STPG2: variants seen among roughly 807,000 people sequenced by gnomAD.
STPG2 encodes sperm tail PG-rich repeat containing 2, also known as sperm-tail PG-rich repeat-containing protein 2.
In STPG2, 56 loss-of-function variants were observed where a neutral mutation model predicts 54.2. That is an observed-to-expected ratio of 1.03 (90% CI 0.83 to 1.29). The LOEUF is 1.29. Ranked by LOEUF, STPG2 falls within the 50% of genes most tolerant of loss-of-function variation. The pLI is 0.00. For missense variants in STPG2, 596 were observed against 544.9 expected (o/e 1.09, Z -0.93); for synonymous variants, 200 against 181.8 (o/e 1.10, Z -0.81).
rs530627220 is a variant in STPG2, at chr4:97,940,012, T to A, written c.1044+3885A>T. On this transcript the variant is annotated intron_variant, in intron 8 of 10. Transcript: ENST00000295268. ...GCAGGTCTGGTGGTAATGAACTCCC[T>A]CAACATCTACCTATCTGAAAAGGAC... Among the ~76,000 whole-genome samples the A allele has an allele frequency of 4.9e-4, 74 of 152,298 alleles. 1 individual carries two copies. The South Asian group carries it at 0.015, about 32-fold the overall frequency.
At chr4:98,127,353 T>G (rs1427176700) in intron 3 of STPG2, among the ~76,000 whole-genome samples, 2 of 152,124 alleles carry the variant, frequency 1.3e-5, no homozygotes, top group Non-Finnish European at 2.9e-5. Context: ...ATTTTAATGG[T>G]TCAAAGGATC....
At chr4:97,800,917 A>G (rs1727373557) in intron 9 of STPG2, among the ~76,000 whole-genome samples, 1 of 152,144 alleles carries the variant, frequency 6.6e-6, no homozygotes, top group Admixed American at 6.6e-5. Context: ...GCCACCTTGC[A>G]GTTGGATCTC....
At chr4:97,722,095 G>GAA (rs1205518616) in intron 9 of STPG2, among the ~76,000 whole-genome samples, 1 of 137,082 alleles carries the variant, frequency 7.3e-6, no homozygotes. Flanking sequence ...TCCAGGAGGG[G>GAA]AAAAAAAAAA....
intron 5 of STPG2, among the ~76,000 whole-genome samples, chr4:98,055,910 G>T (rs1737466249): frequency 6.6e-6 from 1 of 152,102 alleles, no homozygotes; most frequent in Admixed American, 6.5e-5. Flanking sequence ...CTTCTGCACA[G>T]GTGGACCATG....
intron 5 of STPG2, among the ~76,000 whole-genome samples, chr4:98,011,106 C>A (rs2149282317): frequency 6.6e-6 from 1 of 152,232 alleles, no homozygotes; most frequent in South Asian, 2.1e-4. Context: ...TCTCTCCCTC[C>A]CCCTGTGCTC....
At chr4:97,797,324 T>G (rs938446303) in intron 9 of STPG2, among the ~76,000 whole-genome samples, 23 of 152,224 alleles carry the variant, frequency 1.5e-4, no homozygotes, top group Non-Finnish European at 3.2e-4. Context: ...GGCTGTGGGT[T>G]TGTCATAAAT....
Position 97,608,484 on chromosome 4 carries a change from C to T in STPG2, c.1321-49367G>A, listed in dbSNP as rs940649546. ...GCTGTGCACGTGTCTTTCTTGCCTA[C>T]CTTTGGTTTTCTTCGGTTGTGTTCA... On this transcript the variant is annotated intron_variant, in intron 10 of 10. Coordinates refer to ENST00000295268, the MANE Select transcript of STPG2 (RefSeq NM_174952.3). Among the ~76,000 whole-genome samples the T allele has an allele frequency of 8.6e-5, 13 of 152,010 alleles. No homozygotes were observed. The East Asian group carries it at 1.5e-3, about 18-fold the overall frequency.
intron 9 of STPG2, among the ~76,000 whole-genome samples, chr4:97,806,724 G>A (rs1295454558): frequency 6.6e-6 from 1 of 152,012 alleles, no homozygotes; most frequent in Non-Finnish European, 1.5e-5. Context: ...AGTTGTGGAG[G>A]AGAGGCATTG....
At chr4:98,032,499 C>CT (rs1736628991) in intron 5 of STPG2, among the ~76,000 whole-genome samples, 1 of 152,090 alleles carries the variant, frequency 6.6e-6, no homozygotes, top group Non-Finnish European at 1.5e-5. Context: ...TAGTGGGAAA[C>CT]TTTAACACCC....
At chr4:97,791,420 CTGA>C (rs1351417382) in intron 9 of STPG2, among the ~76,000 whole-genome samples, 1 of 152,090 alleles carries the variant, frequency 6.6e-6, no homozygotes, top group Non-Finnish European at 1.5e-5. Flanking sequence ...ATATATGACA[CTGA>C]TGTTACAATT....
chr4:97,735,458 A>C (rs1391181731), intron 9 of STPG2, among the ~76,000 whole-genome samples: 1 of 151,464 alleles, frequency 6.6e-6, no homozygotes, highest in East Asian at 1.9e-4. Context: ...AATGTACACT[A>C]TTCAGGTGAC....
chr4:97,943,827 T>C, intron 8 of STPG2, 70 bp downstream of exon 8: 2 of 1,180,586 alleles, frequency 1.7e-6, no homozygotes, highest in Non-Finnish European at 2.4e-6. Context: ...CCTAATATAA[T>C]GTTTATGTTA....
intron 8 of STPG2, among the ~76,000 whole-genome samples, chr4:97,916,002 G>A (rs766724215): frequency 1.3e-5 from 2 of 152,160 alleles, no homozygotes; most frequent in African/African-American, 2.4e-5. Flanking sequence ...GGATATGGAC[G>A]TGAGAGATAT....
At chr4:97,894,899 C>A (rs1311066792) in intron 8 of STPG2, among the ~76,000 whole-genome samples, 1 of 151,806 alleles carries the variant, frequency 6.6e-6, no homozygotes, top group Non-Finnish European at 1.5e-5. Flanking sequence ...AGTGACAGTG[C>A]AAAGAAAAAT....
chr4:97,948,277 A>C (rs1394728736), intron 7 of STPG2, among the ~76,000 whole-genome samples: 1 of 151,824 alleles, frequency 6.6e-6, no homozygotes, highest in Non-Finnish European at 1.5e-5. Context: ...CTCCAATTTT[A>C]TTTCTAATTG....
At chr4:97,486,817 GT>G (rs1730371494) in intron 4 of STPG2, among the ~76,000 whole-genome samples, 2 of 131,514 alleles carry the variant, frequency 1.5e-5, no homozygotes, top group South Asian at 5.2e-4. Flanking sequence ...GTGTGTGTGT[GT>G]GTGTGTGTGT....
chr4:97,945,432 TACC>T (rs1182100091), intron 7 of STPG2, among the ~76,000 whole-genome samples: 2 of 152,282 alleles, frequency 1.3e-5, no homozygotes, highest in South Asian at 2.1e-4. Flanking sequence ...GGTGTATATA[TACC>T]ACATTTTTTC....
chr4:97,991,585 C>G (rs113375182), intron 5 of STPG2, among the ~76,000 whole-genome samples: 1 of 151,726 alleles, frequency 6.6e-6, no homozygotes, highest in African/African-American at 2.4e-5. Context: ...GTATCTTTTT[C>G]GTACAATGAC....
intron 4 of STPG2, among the ~76,000 whole-genome samples, chr4:97,551,996 G>C (rs955680602): frequency 1.3e-5 from 2 of 152,006 alleles, no homozygotes; most frequent in Non-Finnish European, 2.9e-5. Flanking sequence ...ATCAAAATTA[G>C]TTCAGTTCAC....
Sources: allele counts gnomAD v4.1 joint callset (sites outside exome capture counted in the v4.1 genomes callset), GRCh38; gene constraint gnomAD v4.1.1; transcripts MANE v1.5; gene names NCBI Gene and HGNC (gene_info 2026-07-23, HGNC 2026-07-21).